The following CPED1 variants were observed in gnomAD, a reference collection of about 807,000 sequenced individuals.
The protein encoded by CPED1 is cadherin like and PC-esterase domain containing 1, also known as cadherin-like and PC-esterase domain-containing protein 1.
Under a neutral mutation model 128.2 loss-of-function variants are expected in CPED1, and 114 were observed. The ratio of observed to expected loss-of-function variants is 0.89; its 90% CI spans 0.76 to 1.04. The LOEUF (loss-of-function observed/expected upper bound fraction) is 1.04. Among genes scored for constraint, CPED1 ranks in the 50% least tolerant of loss-of-function variants. The pLI is 0.00. For synonymous variants in CPED1, 462 were observed against 426.7 expected, an observed-to-expected ratio of 1.08 and a Z score of -1.02; for missense variants, 1,211 against 1,207.1, an observed-to-expected ratio of 1.00 and a Z score of -0.05.
chr7:121,187,327 GAAAATCCC>G (rs1797025574), intron 16 of CPED1, among the ~76,000 whole-genome samples: 1 of 152,148 alleles, frequency 6.6e-6, no homozygotes, highest in Admixed American at 6.5e-5. Context: ...GCTGCAGTAA[GAAAATCCC>G]AAGTATAGAA....
intron 5 of CPED1, among the ~76,000 whole-genome samples, chr7:121,096,252 G>A (rs1794695968): frequency 6.6e-6 from 1 of 152,108 alleles, no homozygotes; most frequent in Non-Finnish European, 1.5e-5. Flanking sequence ...GCTAAATAAT[G>A]AGATACGGGA....
At position 121,046,941 on chromosome 7, in the gene CPED1, G is replaced by C. The variant is rs1242529208; in HGVS notation, c.488G>C (p.Gly163Ala). 2 of 1,612,810 alleles carry C rather than the reference G, an allele frequency of 1.2e-6. No individual in the cohort carries two copies. Among genetic ancestry groups the C allele is most frequent in the Non-Finnish European group, 1.7e-6 (2 of 1,179,306 alleles). Reference sequence around the variant, plus strand: ...TGCCTGTCTTCTAAGAAAGCAGAAGGAACACCCTGTATATCCAAGGAAGTC... The same window carrying C: ...TGCCTGTCTTCTAAGAAAGCAGAAGCAACACCCTGTATATCCAAGGAAGTC... ...LICLSSKKAE[G>A]TPCISKEVMC... is the part of the protein sequence containing the mutation. The change falls in exon 4 of 23, where the codon GGA becomes GCA. Residue 163 changes from glycine (G) to alanine (A), a missense_variant. Transcript: ENST00000310396.
At chr7:121,224,408 T>G (rs1488470455) in intron 16 of CPED1, among the ~76,000 whole-genome samples, 1 of 152,188 alleles carries the variant, frequency 6.6e-6, no homozygotes, top group Non-Finnish European at 1.5e-5. Context: ...ATAAGTGCTA[T>G]GTGGTGATGA....
chr7:121,280,474 G>A (rs1006970720), intron 22 of CPED1, among the ~76,000 whole-genome samples: 1 of 152,198 alleles, frequency 6.6e-6, no homozygotes, highest in Non-Finnish European at 1.5e-5. Flanking sequence ...AGCTGTCAGA[G>A]TAAGAAGGGC....
chr7:121,258,789 A>C (rs1176360776), intron 18 of CPED1, among the ~76,000 whole-genome samples: 1 of 152,076 alleles, frequency 6.6e-6, no homozygotes, highest in Non-Finnish European at 1.5e-5. Flanking sequence ...GAAGACTTTC[A>C]ATTAATATGT....
In CPED1 at chr7:121,127,239, T is replaced by C. The variant is rs1795526865; in HGVS notation, c.1284T>C (p.Tyr428=). 6 of 1,582,184 alleles carry C rather than the reference T, an allele frequency of 3.8e-6. No individual in the cohort carries two copies. The highest frequency in any genetic ancestry group is 4.3e-6 in the Non-Finnish European group (5 of 1,156,252). ...SIFSEIFQRL[Y]RSDVFKGENY... is the part of the protein sequence containing the mutation. ...TTTCTGAGATATTTCAGAGACTTTA[T>C]AGATCAGATGTTTTCAAGGTAAGTG... Residue 428 remains tyrosine, a synonymous_variant, in exon 10 of 23, where the codon TAT becomes TAC. Coordinates refer to ENST00000310396, the MANE Select transcript of CPED1 (RefSeq NM_024913.5).
intron 2 of CPED1, among the ~76,000 whole-genome samples, chr7:120,992,201 C>A (rs955998829): frequency 1.5e-4 from 23 of 152,006 alleles, no homozygotes; most frequent in Non-Finnish European, 3.2e-4. Context: ...ATATAGGTTT[C>A]CTGAAAACCT....
chr7:121,078,101 A>G (rs73221280), intron 5 of CPED1, among the ~76,000 whole-genome samples: 11,983 of 152,132 alleles, frequency 0.079, 729 homozygotes, highest in African/African-American at 0.17. Context: ...GCTGGAGTAC[A>G]GTGGCACGAT....
intron 7 of CPED1, among the ~76,000 whole-genome samples, chr7:121,112,003 C>T (rs541448967): frequency 2.6e-5 from 4 of 152,278 alleles, no homozygotes; most frequent in South Asian, 2.1e-4. Flanking sequence ...CCTTCACTCA[C>T]GCTCCTAGAT....
At chr7:121,132,834 T>C (rs545768083) in intron 12 of CPED1, among the ~76,000 whole-genome samples, 72 of 152,228 alleles carry the variant, frequency 4.7e-4, no homozygotes, top group Non-Finnish European at 8.4e-4. Context: ...TTGTGTCTTT[T>C]GTAAAAGTCA....
At chr7:121,288,358 G>A (rs942720561) in intron 22 of CPED1, among the ~76,000 whole-genome samples, 2 of 152,148 alleles carry the variant, frequency 1.3e-5, no homozygotes, top group African/African-American at 2.4e-5. Context: ...GGGCATGAAG[G>A]GTTCCATTTT....
intron 16 of CPED1, among the ~76,000 whole-genome samples, chr7:121,229,044 C>T (rs1230099284): frequency 6.6e-6 from 1 of 151,758 alleles, no homozygotes; most frequent in Non-Finnish European, 1.5e-5. Flanking sequence ...TACAGTAAGA[C>T]AGAAGGAATA....
chr7:121,279,450 C>G (rs1007901381), intron 22 of CPED1, among the ~76,000 whole-genome samples: 9 of 147,254 alleles, frequency 6.1e-5, no homozygotes, highest in African/African-American at 2.0e-4. Context: ...TCACTCCCCA[C>G]CCCCCGCCAC....
chr7:121,176,484 T>C (rs1796781736), intron 16 of CPED1, among the ~76,000 whole-genome samples: 1 of 151,970 alleles, frequency 6.6e-6, no homozygotes. Flanking sequence ...TTAGTTTTGG[T>C]TTGCACATTA....
At chr7:121,249,782 A>G (rs1250862156) in intron 18 of CPED1, among the ~76,000 whole-genome samples, 1 of 152,198 alleles carries the variant, frequency 6.6e-6, no homozygotes, top group African/African-American at 2.4e-5. Flanking sequence ...TATCCTAAAT[A>G]TATATGCACC....
chr7:121,141,001 A>G lies in CPED1; in HGVS notation c.1874A>G (p.Gln625Arg). 1 of 1,610,044 alleles carries G rather than the reference A, an allele frequency of 6.2e-7. No individual in the cohort carries two copies. The highest frequency in any genetic ancestry group is 1.7e-5 in the Admixed American group (1 of 59,158). The stretch of plus-strand genomic sequence containing the variant: ...CTGTGCAAGGTGCACCTGTACGAGC[A>G]GGCAGGGCCAAGGTATGAGATGTTG... ...KCLCKVHLYE[Q>R]AGPSFASYPL... The change falls in exon 15 of 23, where the codon CAG becomes CGG. Residue 625 changes from glutamine to arginine, a missense_variant. Transcript: ENST00000310396.
chr7:121,063,028 T>A (rs1264398765), intron 4 of CPED1: 2 of 152,228 alleles, frequency 1.3e-5, no homozygotes, highest in African/African-American at 4.8e-5. Context: ...GAAAAAGGAC[T>A]AATAAACACT....
At position 121,129,289 on chromosome 7, in the gene CPED1, A is replaced by G. The variant is rs1021266480; in HGVS notation, c.1407+803A>G. ...AGTATATGTGTGTGTGTATATATGT[A>G]TATATATATATATATATATATACGT... is the stretch of plus-strand genomic sequence containing the variant. On this transcript the variant is annotated intron_variant, in intron 11 of 22. Coordinates refer to ENST00000310396, the MANE Select transcript of CPED1 (RefSeq NM_024913.5). Among the ~76,000 whole-genome samples, 560 of 93,336 alleles carry G rather than the reference A, an allele frequency of 6.0e-3. 6 individuals are homozygous for G. Among genetic ancestry groups the G allele is most frequent in the South Asian group, 0.013 (38 of 2,820 alleles). 61.2% of individuals were successfully genotyped at this position (93,336 alleles called of 152,430 possible).
intron 7 of CPED1, among the ~76,000 whole-genome samples, chr7:121,105,660 A>G (rs570716047): frequency 9.9e-5 from 15 of 152,284 alleles, no homozygotes; most frequent in African/African-American, 3.4e-4. Context: ...ATTATAAATA[A>G]CCAGCATGTA....
Sources: allele counts gnomAD v4.1 joint callset (sites outside exome capture counted in the v4.1 genomes callset), GRCh38; gene constraint gnomAD v4.1.1; transcripts MANE v1.5; gene names NCBI Gene and HGNC (gene_info 2026-07-23, HGNC 2026-07-21).